Variants in ETNK1 observed in about 807,000 individuals in gnomAD.
ETNK1 encodes the protein ethanolamine kinase 1.
Under a neutral mutation model 45.1 loss-of-function variants are expected in ETNK1, and 8 were observed. That is an observed-to-expected ratio of 0.18 (90% CI 0.10 to 0.32). ETNK1 has a LOEUF of 0.32. Among genes scored for constraint, ETNK1 ranks in the 10% least tolerant of loss-of-function variants. ETNK1 has a pLI of 1.00. For synonymous variants in ETNK1, 152 were observed against 151.9 expected, an observed-to-expected ratio of 1.00 and a Z score of -0.01; for missense variants, 302 against 430.6, an observed-to-expected ratio of 0.70 and a Z score of 2.64.
chr12:22,628,465 A>C (rs1953533517), intron 1 of ETNK1, among the ~76,000 whole-genome samples: 1 of 152,144 alleles, frequency 6.6e-6, no homozygotes, highest in Non-Finnish European at 1.5e-5. Flanking sequence ...GGATTACTTA[A>C]GCTTTCCTTC....
rs1370721510 is a variant in ETNK1 at position 22,685,828 on chromosome 12, G to A, written c.*874G>A. The A allele has an allele frequency of 6.6e-6, 1 of 151,746 alleles. No individual in the cohort carries two copies. The highest frequency in any genetic ancestry group is 1.5e-5 in the Non-Finnish European group (1 of 67,736). The allele number at this position is 151,746 out of a possible 1,614,324, so 9.4% of individuals were successfully genotyped here. A position where few individuals can be genotyped will look rare whatever the true frequency, so the allele number is the denominator to read the frequency against. ...GTTTTTGATTATTAAATAGTCACTA[G>A]TATTGCTAATTTTTGAAACAAATAC... On this transcript the variant is annotated 3_prime_UTR_variant, in exon 8 of 8. Coordinates refer to ENST00000266517, the MANE Select transcript of ETNK1 (RefSeq NM_018638.5).
In ETNK1 at chr12:22,687,092, A is replaced by G. The variant is rs968782858; in HGVS notation, c.*2138A>G. The G allele has an allele frequency of 2.0e-5, 3 of 151,704 alleles. No homozygotes were observed. The highest frequency in any genetic ancestry group is 7.3e-5 in the African/African-American group (3 of 41,370). 9.4% of individuals were successfully genotyped at this position (151,704 alleles called of 1,614,324 possible). ...TAGGGAAGTGAATGTAACCAGGAAT[A>G]AAGGCTCTCACTTTAGCTCTGGGAC... On this transcript the variant is annotated 3_prime_UTR_variant, in exon 8 of 8. Coordinates refer to ENST00000266517, the MANE Select transcript of ETNK1 (RefSeq NM_018638.5).
intron 2 of ETNK1, among the ~76,000 whole-genome samples, chr12:22,648,807 C>G (rs903383688): frequency 6.6e-6 from 1 of 151,998 alleles, no homozygotes; most frequent in Admixed American, 6.6e-5. Context: ...AACTGTTTCC[C>G]AGAATGGCTG....
At chr12:22,682,873 A>G (rs995173177) in intron 6 of ETNK1, among the ~76,000 whole-genome samples, 3 of 152,154 alleles carry the variant, frequency 2.0e-5, no homozygotes, top group Admixed American at 1.3e-4. Context: ...GGGTTCATCG[A>G]CCACTTTAAG....
chr12:22,676,386 A>G (rs1209157643), intron 6 of ETNK1, among the ~76,000 whole-genome samples: 3 of 151,810 alleles, frequency 2.0e-5, no homozygotes, highest in Non-Finnish European at 4.4e-5. Flanking sequence ...TATGTGCCAC[A>G]TTTTCTTTAT....
At chr12:22,643,143 A>G (rs959674601) in intron 1 of ETNK1, among the ~76,000 whole-genome samples, 1 of 152,096 alleles carries the variant, frequency 6.6e-6, no homozygotes, top group Admixed American at 6.6e-5. Flanking sequence ...AGTGTATAAC[A>G]CAATGTTTAA....
At chr12:22,667,124 A>G (rs1954060800) in intron 4 of ETNK1, among the ~76,000 whole-genome samples, 1 of 152,190 alleles carries the variant, frequency 6.6e-6, no homozygotes, top group African/African-American at 2.4e-5. Context: ...AAAAACTTAA[A>G]TGAACTGTAA....
chr12:22,667,596 C>T (rs583600), intron 4 of ETNK1, among the ~76,000 whole-genome samples: 1 of 152,138 alleles, frequency 6.6e-6, no homozygotes, highest in African/African-American at 2.4e-5. Flanking sequence ...CTGTCTTTTT[C>T]TGTATAAAAT....
intron 4 of ETNK1, among the ~76,000 whole-genome samples, chr12:22,668,373 G>T (rs1042140098): frequency 6.6e-6 from 1 of 152,176 alleles, no homozygotes; most frequent in Non-Finnish European, 1.5e-5. Flanking sequence ...CTGTTGTTAG[G>T]AAAGCATTTT....
Position 22,684,452 on chromosome 12 carries a change from T to A in ETNK1, c.946-31T>A, listed in dbSNP as rs1201112064. On this transcript the variant is annotated intron_variant, in intron 6 of 7. Transcript: ENST00000266517. ...TGTTTTACAGAGAAATTCATTATCA[T>A]AATTTTTGATTTTTCTTTCCTTCTT... 2.7e-6 allele frequency: 4 copies of A among 1,507,930 alleles called. No individual in the cohort carries two copies. The South Asian group carries it at 4.6e-5, about 18-fold the overall frequency. The allele number at this position is 1,507,930 out of a possible 1,614,324, so 93.4% of individuals were successfully genotyped here.
At chr12:22,627,501 TTGA>T (rs766027617) in intron 1 of ETNK1, among the ~76,000 whole-genome samples, 16 of 152,162 alleles carry the variant, frequency 1.1e-4, no homozygotes, top group Non-Finnish European at 2.1e-4. Flanking sequence ...CTAAGCTGAA[TTGA>T]TGATTATTCA....
chr12:22,671,408 T>G, intron 5 of ETNK1, 53 bp downstream of exon 5: 1 of 1,159,866 alleles, frequency 8.6e-7, no homozygotes. Flanking sequence ...TTCAGAATAT[T>G]TCATTCTTTT....
At chr12:22,677,205 T>C (rs1041817969) in intron 6 of ETNK1, among the ~76,000 whole-genome samples, 9 of 152,284 alleles carry the variant, frequency 5.9e-5, no homozygotes, top group African/African-American at 2.2e-4. Context: ...AAGGAAGGGG[T>C]CCAGTTTCAG....
intron 2 of ETNK1, among the ~76,000 whole-genome samples, chr12:22,654,191 G>T (rs950068259): frequency 2.6e-4 from 39 of 152,154 alleles, no homozygotes; most frequent in African/African-American, 7.2e-5. Flanking sequence ...CTATGAGAAA[G>T]AAATTTATGT....
At chr12:22,675,649 A>G (rs1371046755) in intron 6 of ETNK1, among the ~76,000 whole-genome samples, 1 of 152,152 alleles carries the variant, frequency 6.6e-6, no homozygotes, top group Non-Finnish European at 1.5e-5. Flanking sequence ...TAAGCCCTAT[A>G]CCCAGCCATA....
intron 2 of ETNK1, among the ~76,000 whole-genome samples, chr12:22,654,948 A>C (rs1953919692): frequency 6.6e-6 from 1 of 152,184 alleles, no homozygotes; most frequent in Non-Finnish European, 1.5e-5. Flanking sequence ...GTGTGCATTC[A>C]ATCTTTCTAT....
intron 2 of ETNK1, among the ~76,000 whole-genome samples, chr12:22,650,378 A>G (rs569061089): frequency 6.6e-6 from 1 of 151,968 alleles, no homozygotes; most frequent in South Asian, 2.1e-4. Context: ...GAAATCTTCA[A>G]ATTACGTGTC....
intron 1 of ETNK1, among the ~76,000 whole-genome samples, chr12:22,631,771 G>A (rs1325667613): frequency 6.6e-6 from 1 of 152,096 alleles, no homozygotes; most frequent in African/African-American, 2.4e-5. Context: ...GGAAGGAGTG[G>A]ATGACAAAGA....
intron 6 of ETNK1, among the ~76,000 whole-genome samples, chr12:22,683,574 T>A (rs1954233265): frequency 6.6e-6 from 1 of 152,182 alleles, no homozygotes; most frequent in African/African-American, 2.4e-5. Flanking sequence ...GTTTGTGACT[T>A]ATTAAAGGTT....
Sources: gnomAD v4.1 joint callset for allele counts (sites outside exome capture counted in the v4.1 genomes callset) on GRCh38, gnomAD v4.1.1 for gene constraint, MANE v1.5 for transcripts, NCBI Gene and HGNC (gene_info 2026-07-23, HGNC 2026-07-21) for gene names.